CEP164: variants seen among roughly 807,000 people sequenced by gnomAD.
CEP164 encodes centrosomal protein 164, also known as centrosomal protein of 164 kDa.
Under a neutral mutation model 182.7 loss-of-function variants are expected in CEP164, and 162 were observed. The observed-to-expected ratio is 0.89, with a 90% confidence interval of 0.78 to 1.01. CEP164 has a LOEUF of 1.01. Ranked by LOEUF, CEP164 falls within the 50% of genes least tolerant of loss-of-function variation. The pLI, the probability that CEP164 is intolerant of heterozygous loss-of-function variation, is 0.00. For missense variants in CEP164, 1,735 were observed against 1,790.4 expected, an observed-to-expected ratio of 0.97 and a Z score of 0.56; for synonymous variants, 661 against 690.0, an observed-to-expected ratio of 0.96 and a Z score of 0.66.
chr11:117,329,839 C>CTTTTTTTTTTTT (rs61429989), intron 1 of CEP164, among the ~76,000 whole-genome samples: 9 of 95,556 alleles, frequency 9.4e-5, no homozygotes, highest in East Asian at 7.3e-4. Flanking sequence ...TGCGCCTGGC[C>CTTTTTTTTTTTT]TTTTTTTTTT....
At chr11:117,380,915 T>G (rs1592281161) in intron 12 of CEP164, among the ~76,000 whole-genome samples, 1 of 152,180 alleles carries the variant, frequency 6.6e-6, no homozygotes, top group East Asian at 1.9e-4. Flanking sequence ...TGTGTATATG[T>G]TTGCATGCAT....
intron 14 of CEP164, chr11:117,384,750 G>A (rs1267812613): frequency 6.6e-6 from 1 of 152,266 alleles, no homozygotes; most frequent in Non-Finnish European, 1.5e-5. Flanking sequence ...TCGCTTCCGT[G>A]TTATTAATCT....
intron 28 of CEP164, 91 bp from the exon 29 acceptor site, chr11:117,408,799 C>T: frequency 6.6e-7 from 1 of 1,524,512 alleles, no homozygotes; most frequent in Admixed American, 1.8e-5. Context: ...AAGAACCTAG[C>T]TCAGTGTCCC....
intron 5 of CEP164, 30 bp downstream of exon 5, chr11:117,352,018 G>C (rs768131578): frequency 6.5e-7 from 1 of 1,542,240 alleles, no homozygotes; most frequent in South Asian, 1.2e-5. Flanking sequence ...CTCCCAGAGA[G>C]GCCAGGGCTG....
intron 3 of CEP164, among the ~76,000 whole-genome samples, chr11:117,342,436 G>A (rs914810576): frequency 2.0e-5 from 3 of 152,004 alleles, no homozygotes; most frequent in Non-Finnish European, 4.4e-5. Context: ...CTGGTGACAT[G>A]TTCCAACGGT....
chr11:117,332,979 T>G (rs2036448831), intron 1 of CEP164, among the ~76,000 whole-genome samples: 1 of 152,242 alleles, frequency 6.6e-6, no homozygotes, highest in Non-Finnish European at 1.5e-5. Context: ...CATGTCCTAT[T>G]TGTTTGCCAT....
intron 19 of CEP164, among the ~76,000 whole-genome samples, 164 bp from the exon 20 acceptor site, chr11:117,392,840 G>C (rs1214930155): frequency 2.6e-5 from 4 of 152,148 alleles, no homozygotes; most frequent in African/African-American, 9.7e-5. Context: ...GGGGTGTTGG[G>C]GTATGGCTGT....
At chr11:117,399,445 T>C (rs889760193) in intron 27 of CEP164, among the ~76,000 whole-genome samples, 1 of 152,208 alleles carries the variant, frequency 6.6e-6, no homozygotes, top group African/African-American at 2.4e-5. Flanking sequence ...AATAAACATA[T>C]GTGTGCATGT....
chr11:117,373,528 T>C (rs912149562), intron 9 of CEP164, among the ~76,000 whole-genome samples: 5 of 152,202 alleles, frequency 3.3e-5, no homozygotes, highest in Non-Finnish European at 7.3e-5. Flanking sequence ...AGTGTGGTTG[T>C]CTCTACTCAG....
rs556130841 is a variant in CEP164 at position 117,361,124 on chromosome 11, A to G, written c.394-711A>G. Among the ~76,000 whole-genome samples, 4 of 148,126 alleles carry G rather than the reference A, an allele frequency of 2.7e-5. No homozygotes were observed. In the East Asian group the frequency reaches 8.2e-4, roughly 30 times the overall value. ...TAATTTTTGTATTTTTAGTAGAGACAGGGTTTCACCATGTTGGCCAGGCTG... is the reference window on the plus strand; with the variant it reads ...TAATTTTTGTATTTTTAGTAGAGACGGGGTTTCACCATGTTGGCCAGGCTG... On this transcript the variant is annotated intron_variant, in intron 5 of 32. Coordinates refer to ENST00000278935, the MANE Select transcript of CEP164 (RefSeq NM_014956.5).
intron 13 of CEP164, among the ~76,000 whole-genome samples, chr11:117,382,413 G>A (rs1238644381): frequency 2.6e-5 from 4 of 152,294 alleles, no homozygotes; most frequent in South Asian, 2.1e-4. Flanking sequence ...AGTCAAGAGC[G>A]TGGTGGACAT....
At chr11:117,359,717 A>C (rs1483997889) in intron 5 of CEP164, among the ~76,000 whole-genome samples, 1 of 152,182 alleles carries the variant, frequency 6.6e-6, no homozygotes, top group Non-Finnish European at 1.5e-5. Context: ...GTAAATTGTC[A>C]CCAGATTGCC....
At chr11:117,350,696 T>C (rs1212940845) in intron 4 of CEP164, among the ~76,000 whole-genome samples, 1 of 152,202 alleles carries the variant, frequency 6.6e-6, no homozygotes, top group African/African-American at 2.4e-5. Flanking sequence ...ATTGGATTTA[T>C]ATATTAATTT....
At chr11:117,385,563 A>G (rs1197781121) in intron 14 of CEP164, 1 of 152,312 alleles carries the variant, frequency 6.6e-6, no homozygotes, top group Non-Finnish European at 1.5e-5. Context: ...TGCAGCCTGC[A>G]GGAGAGAGAG....
At position 117,411,487 on chromosome 11, in the gene CEP164, C is replaced by T; in HGVS notation, c.4164-308C>T. The T allele has an allele frequency of 2.9e-6, 1 of 344,532 alleles. No homozygotes were observed. Among genetic ancestry groups the T allele is most frequent in the Non-Finnish European group, 5.4e-6 (1 of 184,756 alleles). 21.3% of individuals were successfully genotyped at this position (344,532 alleles called of 1,614,324 possible). On this transcript the variant is annotated intron_variant, in intron 31 of 32. Coordinates refer to ENST00000278935, the MANE Select transcript of CEP164 (RefSeq NM_014956.5). This position sits in a 1 kb window ranked among gnomAD's most constrained non-coding sequence, Gnocchi z 4.4. ...GGCCAACTTGAGAGCTGATGCTGGC[C>T]AAGGATTGAGTTGACAGAGGGGAGC...
chr11:117,357,023 A>T (rs1467522432), intron 5 of CEP164, among the ~76,000 whole-genome samples: 1 of 152,248 alleles, frequency 6.6e-6, no homozygotes, highest in Non-Finnish European at 1.5e-5. Context: ...ATTTGGAAAT[A>T]GGCAGCCTAC....
intron 5 of CEP164, among the ~76,000 whole-genome samples, chr11:117,356,947 T>C (rs896780646): frequency 2.0e-5 from 3 of 152,176 alleles, no homozygotes; most frequent in African/African-American, 7.2e-5. Context: ...TCGTGCAGGA[T>C]ATAAACACCT....
chr11:117,379,006 C>A (rs1268334204), intron 11 of CEP164, among the ~76,000 whole-genome samples: 1 of 152,146 alleles, frequency 6.6e-6, no homozygotes, highest in Non-Finnish European at 1.5e-5. Flanking sequence ...ATGGAGTGGG[C>A]CTGTCACCTC....
chr11:117,337,772 C>T (rs1339709551), intron 2 of CEP164, among the ~76,000 whole-genome samples: 1 of 152,138 alleles, frequency 6.6e-6, no homozygotes, highest in Non-Finnish European at 1.5e-5. Context: ...AATTCTTGTC[C>T]TAAAAAAAGG....
Sources: allele counts gnomAD v4.1 joint callset (sites outside exome capture counted in the v4.1 genomes callset), GRCh38; gene constraint gnomAD v4.1.1; non-coding constraint Gnocchi (gnomAD v3.1); transcripts MANE v1.5; gene names NCBI Gene and HGNC (gene_info 2026-07-23, HGNC 2026-07-21).